MARCHF1: variants seen among roughly 807,000 people sequenced by gnomAD.
The protein encoded by MARCHF1 is membrane associated ring-CH-type finger 1.
MARCHF1 carries 40 observed loss-of-function variants against 54.2 expected under a neutral mutation model. That is an observed-to-expected ratio of 0.74 (90% CI 0.57 to 0.96). MARCHF1 has a LOEUF of 0.96. Among genes scored for constraint, MARCHF1 ranks in the 40% least tolerant of loss-of-function variants. The pLI is 0.00. For synonymous variants in MARCHF1, 236 were observed against 236.3 expected, an observed-to-expected ratio of 1.00 and a Z score of 0.01; for missense variants, 586 against 656.5, an observed-to-expected ratio of 0.89 and a Z score of 1.17.
intron 3 of MARCHF1, among the ~76,000 whole-genome samples, chr4:163,985,836 A>G (rs1752851718): frequency 6.6e-6 from 1 of 152,206 alleles, no homozygotes; most frequent in African/African-American, 2.4e-5. Context: ...AACATTAAGG[A>G]AACTTCAAGA....
chr4:163,700,451 G>A (rs1414404148), intron 5 of MARCHF1, among the ~76,000 whole-genome samples: 1 of 151,532 alleles, frequency 6.6e-6, no homozygotes, highest in Admixed American at 6.6e-5. Flanking sequence ...GTTGCAGTGA[G>A]CCAAGATCTC....
chr4:164,061,607 A>G (rs1754617008), intron 2 of MARCHF1, among the ~76,000 whole-genome samples: 1 of 151,260 alleles, frequency 6.6e-6, no homozygotes, highest in Non-Finnish European at 1.5e-5. Context: ...GGTGCAGCAC[A>G]CCAGCATGGC....
At chr4:164,008,224 A>G (rs1047269343) in intron 2 of MARCHF1, among the ~76,000 whole-genome samples, 3 of 152,192 alleles carry the variant, frequency 2.0e-5, no homozygotes, top group African/African-American at 7.2e-5. Flanking sequence ...TCTGTTTATA[A>G]AAAGAGGAGA....
intron 2 of MARCHF1, among the ~76,000 whole-genome samples, chr4:164,054,688 A>G (rs1451338763): frequency 6.7e-6 from 1 of 149,416 alleles, no homozygotes; most frequent in African/African-American, 2.5e-5. Context: ...ACAAAAAACC[A>G]AACACCGCAT....
intron 1 of MARCHF1, among the ~76,000 whole-genome samples, chr4:164,211,387 T>TAC (rs202197539): frequency 4.8e-4 from 70 of 145,472 alleles, no homozygotes; most frequent in Middle Eastern, 3.6e-3. Context: ...TGTATATATA[T>TAC]ACACACACAC....
chr4:164,349,817 G>A (rs1162734373), intron 1 of MARCHF1, among the ~76,000 whole-genome samples: 1 of 152,140 alleles, frequency 6.6e-6, no homozygotes, highest in East Asian at 1.9e-4. Context: ...ATGTAATGAT[G>A]GTATTTAAAC....
intron 3 of MARCHF1, among the ~76,000 whole-genome samples, chr4:163,859,624 G>A (rs969549539): frequency 1.3e-5 from 2 of 152,144 alleles, no homozygotes; most frequent in African/African-American, 2.4e-5. Flanking sequence ...GCCTCCCAAA[G>A]TGCTGGGATT....
Position 163,979,753 on chromosome 4 carries a change from T to G in MARCHF1, c.-39+8748A>C, listed in dbSNP as rs1752723672. 2.0e-5 allele frequency among the ~76,000 whole-genome samples: 3 copies of G among 152,346 alleles called. No homozygotes were observed. The South Asian group carries it at 6.2e-4, about 32-fold the overall frequency. On this transcript the variant is annotated intron_variant, in intron 3 of 9. Coordinates refer to ENST00000514618, the MANE Select transcript of MARCHF1 (RefSeq NM_001394959.1). ...ATGGTATCTCATTGTGATTTTGGTT[T>G]GCATTTCTCTGATGGCCAGTGATGA...
chr4:163,765,056 A>C (rs1365861686), intron 4 of MARCHF1, among the ~76,000 whole-genome samples: 1 of 152,060 alleles, frequency 6.6e-6, no homozygotes, highest in Non-Finnish European at 1.5e-5. Context: ...ATTATAAATC[A>C]GTGTGCATCC....
intron 1 of MARCHF1, among the ~76,000 whole-genome samples, chr4:164,313,346 C>A (rs1289200869): frequency 1.9e-5 from 2 of 104,092 alleles, no homozygotes; most frequent in East Asian, 1.2e-3. Context: ...AAGACTCTGT[C>A]TCAAAAAAAA....
At chr4:163,533,697 T>TATATATATA (rs1560927068) in intron 9 of MARCHF1, among the ~76,000 whole-genome samples, 8 of 105,628 alleles carry the variant, frequency 7.6e-5, no homozygotes, top group African/African-American at 3.4e-4. Flanking sequence ...ATATATATAT[T>TATATATATA]TATATATATT....
intron 1 of MARCHF1, among the ~76,000 whole-genome samples, chr4:164,293,354 A>C (rs1734333770): frequency 6.6e-6 from 1 of 152,218 alleles, no homozygotes; most frequent in East Asian, 1.9e-4. Context: ...GTATAAGGCA[A>C]ATGCCTCACA....
intron 2 of MARCHF1, among the ~76,000 whole-genome samples, chr4:164,093,633 C>T (rs1755349721): frequency 6.6e-6 from 1 of 152,146 alleles, no homozygotes; most frequent in Admixed American, 6.6e-5. Context: ...TGACTCCCTA[C>T]ATTTCAAGTT....
Position 163,585,946 on chromosome 4 carries a change from C to A in MARCHF1, c.1011-17G>T. 1.3e-6 allele frequency: 2 copies of A among 1,590,262 alleles called. No homozygotes were observed. The highest frequency in any genetic ancestry group is 2.3e-5 in the South Asian group (2 of 87,588). ...TGACAGATTCTGCAGAAAGACACAGCAGCCAGTATGAGATCTCCCAGAGAA... is the reference window on the plus strand; with the variant it reads ...TGACAGATTCTGCAGAAAGACACAGAAGCCAGTATGAGATCTCCCAGAGAA... On this transcript the variant is annotated splice_polypyrimidine_tract_variant and intron_variant, in intron 7 of 9. Transcript: ENST00000514618.
chr4:163,862,236 T>G (rs555339944), intron 3 of MARCHF1, among the ~76,000 whole-genome samples: 23 of 152,204 alleles, frequency 1.5e-4, no homozygotes, highest in African/African-American at 5.3e-4. Context: ...TATAAACTTG[T>G]ACTTTATGAA....
intron 4 of MARCHF1, among the ~76,000 whole-genome samples, chr4:163,782,469 A>C (rs1011942318): frequency 3.3e-5 from 5 of 152,026 alleles, no homozygotes; most frequent in African/African-American, 1.2e-4. Context: ...CCAGAAGTTC[A>C]AGACAGGCCT....
At chr4:164,357,993 A>G (rs913712636) in intron 1 of MARCHF1, among the ~76,000 whole-genome samples, 1 of 152,222 alleles carries the variant, frequency 6.6e-6, no homozygotes, top group Non-Finnish European at 1.5e-5. Flanking sequence ...GGTGAGAAAC[A>G]TAAGAGAAGT....
intron 1 of MARCHF1, among the ~76,000 whole-genome samples, chr4:164,344,067 C>T (rs1730004346): frequency 6.6e-6 from 1 of 152,164 alleles, no homozygotes; most frequent in Non-Finnish European, 1.5e-5. Context: ...AGAGCATGTC[C>T]TTTGCACAGC....
Position 164,316,766 on chromosome 4 carries a change from G to A in MARCHF1, c.-323+67104C>T, listed in dbSNP as rs185129973. Among the ~76,000 whole-genome samples, 766 of 152,300 alleles carry A rather than the reference G, an allele frequency of 5.0e-3. 6 individuals carry two copies. The highest frequency in any genetic ancestry group is 7.7e-3 in the Admixed American group (118 of 15,304). On this transcript the variant is annotated intron_variant, in intron 1 of 9. Coordinates refer to ENST00000514618, the MANE Select transcript of MARCHF1 (RefSeq NM_001394959.1). ...AGAAGAGGCTGGGTGGAAGGAGATT[G>A]GAACATGGGGGGTGGATTCCCCCTT...
Sources: allele counts gnomAD v4.1 joint callset (sites outside exome capture counted in the v4.1 genomes callset), GRCh38; gene constraint gnomAD v4.1.1; transcripts MANE v1.5; gene names NCBI Gene and HGNC (gene_info 2026-07-23, HGNC 2026-07-21).